Variants in LOC128092252 observed in about 807,000 individuals in gnomAD.
At chr15:50,659,068 C>A in the LOC128092252 span, among the ~76,000 whole-genome samples, 2 of 151,908 alleles carry the variant, frequency 1.3e-5, no homozygotes, top group Admixed American at 1.3e-4. Context: ...TGTGGTGGCA[C>A]ACGCCTGTAA....
the LOC128092252 span, among the ~76,000 whole-genome samples, chr15:50,670,455 G>T: frequency 1.3e-5 from 2 of 152,066 alleles, no homozygotes; most frequent in African/African-American, 2.4e-5. Flanking sequence ...CCAAAACCAA[G>T]ATGGCAACAG....
the LOC128092252 span, among the ~76,000 whole-genome samples, chr15:50,657,134 G>A: frequency 6.6e-6 from 1 of 152,038 alleles, no homozygotes; most frequent in Non-Finnish European, 1.5e-5. Context: ...GACCAGCCTG[G>A]CCAACATGGT....
chr15:50,651,634 C>T, the LOC128092252 span, among the ~76,000 whole-genome samples: 2,642 of 151,000 alleles, frequency 0.017, 81 homozygotes, highest in African/African-American at 0.062. Context: ...TGTCTCTAAA[C>T]GAAAAAATTA....
At chr15:50,685,918 A>C in the LOC128092252 span, among the ~76,000 whole-genome samples, 2 of 152,008 alleles carry the variant, frequency 1.3e-5, no homozygotes, top group Non-Finnish European at 2.9e-5. Flanking sequence ...CACCCACCAA[A>C]ATCCTTAATT....
the LOC128092252 span, among the ~76,000 whole-genome samples, chr15:50,670,008 G>T: frequency 2.5e-4 from 38 of 152,314 alleles, no homozygotes; most frequent in Non-Finnish European, 4.4e-4. Context: ...CTTACTGAAT[G>T]TTTTATTAAA....
chr15:50,685,082 G>T, the LOC128092252 span, among the ~76,000 whole-genome samples: 1 of 152,232 alleles, frequency 6.6e-6, no homozygotes, highest in Non-Finnish European at 1.5e-5. Context: ...AATGATAGAA[G>T]AAATAAAATT....
At chr15:50,655,437 G>GAAAA in the LOC128092252 span, among the ~76,000 whole-genome samples, 2 of 89,354 alleles carry the variant, frequency 2.2e-5, no homozygotes, top group Non-Finnish European at 2.3e-5. Flanking sequence ...CATCTCAAAG[G>GAAAA]AAAAAAAAAA....
chr15:50,672,898 CAAAAAAAAAAAAA>C, the LOC128092252 span, among the ~76,000 whole-genome samples: 10 of 26,220 alleles, frequency 3.8e-4, no homozygotes, highest in African/African-American at 1.2e-3. Context: ...GACTCTGTCT[CAAAAAAAAAAAAA>C]AAAAAAAAAA....
chr15:50,686,291 G>C, the LOC128092252 span, among the ~76,000 whole-genome samples: 7 of 152,218 alleles, frequency 4.6e-5, no homozygotes, highest in Admixed American at 3.3e-4. Context: ...TGGGAGCCGA[G>C]TCTCGGCTCA....
chr15:50,656,600 T>A, the LOC128092252 span, among the ~76,000 whole-genome samples: 1 of 151,852 alleles, frequency 6.6e-6, no homozygotes, highest in Non-Finnish European at 1.5e-5. Context: ...CCTCCCCAAG[T>A]GCTGGGATTA....
the LOC128092252 span, chr15:50,662,873 TTTA>T: frequency 4.5e-6 from 4 of 892,792 alleles, no homozygotes; most frequent in Non-Finnish European, 7.1e-6. Context: ...GTACAAATAA[TTTA>T]TTTAGTGGTT....
the LOC128092252 span, among the ~76,000 whole-genome samples, chr15:50,652,898 G>A: frequency 3.3e-5 from 5 of 152,030 alleles, no homozygotes; most frequent in Admixed American, 2.0e-4. Flanking sequence ...ACACTGGCTC[G>A]TGCCTGTAAT....
chr15:50,653,133 G>A, the LOC128092252 span, among the ~76,000 whole-genome samples: 1 of 152,108 alleles, frequency 6.6e-6, no homozygotes, highest in African/African-American at 2.4e-5. Flanking sequence ...CACAGAGTGA[G>A]ACCCTGTTTC....
the LOC128092252 span, among the ~76,000 whole-genome samples, chr15:50,668,598 C>T: frequency 6.6e-6 from 1 of 152,178 alleles, no homozygotes; most frequent in Admixed American, 6.5e-5. Context: ...AACTCTGCCT[C>T]CGGGGTCCAA....
chr15:50,660,585 G>T, the LOC128092252 span, among the ~76,000 whole-genome samples: 1 of 152,118 alleles, frequency 6.6e-6, no homozygotes, highest in African/African-American at 2.4e-5. Flanking sequence ...AACCCGGAAG[G>T]CAGACTTTGC....
the LOC128092252 span, among the ~76,000 whole-genome samples, chr15:50,685,389 G>C: frequency 1.3e-5 from 2 of 152,232 alleles, no homozygotes; most frequent in East Asian, 3.9e-4. Context: ...TCCCGGAGGC[G>C]GATGTTGCAG....
chr15:50,686,459 C>A, the LOC128092252 span: 1 of 1,613,254 alleles, frequency 6.2e-7, no homozygotes, highest in East Asian at 2.2e-5. Context: ...CACACACTTG[C>A]CTGCCAAGTC....
the LOC128092252 span, chr15:50,686,447 C>A: frequency 6.2e-7 from 1 of 1,609,174 alleles, no homozygotes; most frequent in South Asian, 1.1e-5. Context: ...AACGCGGCTC[C>A]CCACACACTT....
At chr15:50,677,488 C>A in the LOC128092252 span, among the ~76,000 whole-genome samples, 1 of 152,100 alleles carries the variant, frequency 6.6e-6, no homozygotes, top group South Asian at 2.1e-4. Context: ...CACCTATAAT[C>A]CCAGCACTTT....
Sources: gnomAD v4.1 joint callset for allele counts (sites outside exome capture counted in the v4.1 genomes callset) on GRCh38, gnomAD v4.1.1 for gene constraint, MANE v1.5 for transcripts.